Variants in ZNRF3 observed in about 807,000 individuals in gnomAD.
ZNRF3 encodes zinc and ring finger 3, also known as E3 ubiquitin-protein ligase ZNRF3.
ZNRF3 carries 23 observed loss-of-function variants against 72.5 expected under a neutral mutation model. That is an observed-to-expected ratio of 0.32 (90% CI 0.23 to 0.45). The LOEUF (loss-of-function observed/expected upper bound fraction) is 0.45, where lower values mean the gene tolerates loss of function less well. ZNRF3 is among the 20% of genes least tolerant of loss of function. The pLI is 1.00. For synonymous variants in ZNRF3, 610 were observed against 545.3 expected, an observed-to-expected ratio of 1.12 and a Z score of -1.65; for missense variants, 1,169 against 1,272.1, an observed-to-expected ratio of 0.92 and a Z score of 1.23.
chr22:29,010,287 CAT>C (rs2036326938), intron 2 of ZNRF3, among the ~76,000 whole-genome samples: 1 of 152,138 alleles, frequency 6.6e-6, no homozygotes, highest in African/African-American at 2.4e-5. Context: ...TGGCAACCAC[CAT>C]TCCACTTTCT....
chr22:28,932,118 C>T (rs374856152), intron 1 of ZNRF3, among the ~76,000 whole-genome samples: 73 of 152,260 alleles, frequency 4.8e-4, no homozygotes, highest in African/African-American at 1.6e-3. Flanking sequence ...GGAGAGGACC[C>T]GTTCAGCCAC....
rs1413111256 is a variant in ZNRF3, at chr22:29,049,723, C to T, written c.1542C>T (p.His514=). 3.1e-6 allele frequency: 5 copies of T among 1,599,926 alleles called. No individual in the cohort carries two copies. The highest frequency in any genetic ancestry group is 1.7e-5 in the Admixed American group (1 of 59,450). Residue 514 remains histidine, a synonymous_variant, in exon 8 of 9, where the codon CAC becomes CAT. Transcript: ENST00000544604. The surrounding 1 kb of genome is among the most constrained non-coding windows in gnomAD (Gnocchi z 5.2). ...GCCTGCTCTTCCCCACCGTGGTGCA[C>T]GTGGCCCCGCCCTCCCACCTGGAGA... ...SGSLLFPTVV[H]VAPPSHLESG...
intron 1 of ZNRF3, among the ~76,000 whole-genome samples, chr22:28,931,841 A>G (rs1412997988): frequency 6.6e-6 from 1 of 152,240 alleles, no homozygotes; most frequent in Admixed American, 6.5e-5. Context: ...ACTGGGCTAG[A>G]CATGTAAAGA....
At chr22:28,950,680 C>G (rs2035144726) in intron 1 of ZNRF3, among the ~76,000 whole-genome samples, 1 of 152,192 alleles carries the variant, frequency 6.6e-6, no homozygotes, top group Admixed American at 6.5e-5. Flanking sequence ...GAGGATACTC[C>G]TTATACTTAG....
intron 2 of ZNRF3, among the ~76,000 whole-genome samples, chr22:29,010,673 TTTTG>T (rs1027470791): frequency 2.0e-5 from 3 of 152,126 alleles, no homozygotes; most frequent in Non-Finnish European, 2.9e-5. Flanking sequence ...TTTTTCTCAT[TTTTG>T]TTTGTTTGTT....
At chr22:28,976,309 T>G (rs1034336232) in intron 1 of ZNRF3, among the ~76,000 whole-genome samples, 1 of 152,036 alleles carries the variant, frequency 6.6e-6, no homozygotes, top group Non-Finnish European at 1.5e-5. Context: ...TTGAGTTGGA[T>G]CCAGGAGTTT....
In ZNRF3 at chr22:28,883,578, C is replaced by A; in HGVS notation, c.-189C>A. On this transcript the variant is annotated 5_prime_UTR_variant, in exon 1 of 9. Coordinates refer to ENST00000544604, the MANE Select transcript of ZNRF3 (RefSeq NM_001206998.2). This position sits in a 1 kb window ranked among gnomAD's most constrained non-coding sequence, Gnocchi z 5.5. ...ACGACGCTGCCGGGGCGGGGATAAC[C>A]CCTCACGTGGAGCAGATGAAAGGGC... 1 of 456,082 alleles carries A rather than the reference C, an allele frequency of 2.2e-6. No homozygotes were observed. The highest frequency in any genetic ancestry group is 2.9e-6 in the Non-Finnish European group (1 of 346,172). The allele number at this position is 456,082 out of a possible 1,614,324, so 28.3% of individuals were successfully genotyped here. A position where few individuals can be genotyped will look rare whatever the true frequency, so the allele number is the denominator to read the frequency against.
intron 1 of ZNRF3, among the ~76,000 whole-genome samples, chr22:28,934,817 CAAA>C (rs1244256699): frequency 0.038 from 2,191 of 57,110 alleles, 59 homozygotes; most frequent in African/African-American, 0.12. Context: ...GACTCTGTCT[CAAA>C]AAAAAAAAAA....
At chr22:28,958,500 T>C (rs1483287697) in intron 1 of ZNRF3, among the ~76,000 whole-genome samples, 2 of 152,172 alleles carry the variant, frequency 1.3e-5, no homozygotes, top group Non-Finnish European at 2.9e-5. Context: ...GACTGTTTCT[T>C]TGGGTCTATG....
At chr22:28,988,577 C>A (rs1380458996) in intron 2 of ZNRF3, among the ~76,000 whole-genome samples, 1 of 152,100 alleles carries the variant, frequency 6.6e-6, no homozygotes, top group Non-Finnish European at 1.5e-5. Context: ...AAAGTTGAAT[C>A]GAGGTGTTTT....
chr22:28,952,404 C>A (rs2035179845), intron 1 of ZNRF3, among the ~76,000 whole-genome samples: 1 of 152,030 alleles, frequency 6.6e-6, no homozygotes, highest in Non-Finnish European at 1.5e-5. Flanking sequence ...ATCAGCTAGG[C>A]CTTTGTTTAA....
At chr22:28,951,738 G>A (rs959689581) in intron 1 of ZNRF3, among the ~76,000 whole-genome samples, 4 of 152,122 alleles carry the variant, frequency 2.6e-5, no homozygotes, top group Non-Finnish European at 5.9e-5. Context: ...GTCACACCAC[G>A]GCTGGTCTCC....
intron 2 of ZNRF3, among the ~76,000 whole-genome samples, chr22:29,000,444 GAAGGTTCTTT>G (rs2036122619): frequency 6.6e-6 from 1 of 152,128 alleles, no homozygotes; most frequent in Non-Finnish European, 1.5e-5. Context: ...TTTAGCTTTA[GAAGGTTCTTT>G]TTTCATTTCT....
chr22:29,004,928 C>T (rs575026671), intron 2 of ZNRF3, among the ~76,000 whole-genome samples: 34 of 152,362 alleles, frequency 2.2e-4, no homozygotes, highest in African/African-American at 7.2e-4. Context: ...TGAACCTGCT[C>T]GGCTTCATTG....
chr22:28,986,645 T>C (rs927082869), intron 1 of ZNRF3: 3 of 985,302 alleles, frequency 3.0e-6, no homozygotes, highest in African/African-American at 3.5e-5. Flanking sequence ...CTTGCGTAAG[T>C]TGAAGTAGAC....
At chr22:29,028,950 A>C (rs905572006) in intron 2 of ZNRF3, among the ~76,000 whole-genome samples, 1 of 152,174 alleles carries the variant, frequency 6.6e-6, no homozygotes, top group African/African-American at 2.4e-5. Flanking sequence ...AAACTCCCCT[A>C]AGATGACCTT....
chr22:28,936,968 G>A (rs558059389), intron 1 of ZNRF3, among the ~76,000 whole-genome samples: 2 of 151,910 alleles, frequency 1.3e-5, no homozygotes, highest in Non-Finnish European at 2.9e-5. Flanking sequence ...CAAAGCCAGG[G>A]CTTGTAACTT....
At chr22:28,995,953 T>G (rs563549264) in intron 2 of ZNRF3, among the ~76,000 whole-genome samples, 3 of 152,108 alleles carry the variant, frequency 2.0e-5, no homozygotes, top group Non-Finnish European at 4.4e-5. Context: ...TTTTTCTATT[T>G]TTAATAGAGA....
rs2034999114 is a variant in ZNRF3 at position 28,943,983 on chromosome 22, G to A, written c.301-43093G>A. Among the ~76,000 whole-genome samples, 3 of 150,686 alleles carry A rather than the reference G, an allele frequency of 2.0e-5. No homozygotes were observed. In the South Asian group the frequency reaches 6.3e-4, roughly 31 times the overall value. On this transcript the variant is annotated intron_variant, in intron 1 of 8. Transcript: ENST00000544604. The stretch of plus-strand genomic sequence containing the variant: ...ACAAATTAGGGACAAGGACATTGTG[G>A]GACAGCAAGAATTCCAAAAGAACCC...
Sources: gnomAD v4.1 joint callset for allele counts (sites outside exome capture counted in the v4.1 genomes callset) on GRCh38, gnomAD v4.1.1 for gene constraint, Gnocchi (gnomAD v3.1) non-coding constraint, MANE v1.5 for transcripts, NCBI Gene and HGNC (gene_info 2026-07-23, HGNC 2026-07-21) for gene names.